Variants in SUSD1 observed in about 807,000 individuals in gnomAD.
SUSD1 encodes sushi domain-containing protein 1.
A neutral mutation model predicts 86.9 loss-of-function variants in SUSD1; 65 were observed. That is an observed-to-expected ratio of 0.75 (90% CI 0.61 to 0.92). The LOEUF is 0.92. SUSD1 is among the 40% of genes least tolerant of loss of function. The probability of loss-of-function intolerance (pLI) is 0.00; values close to 1 mark genes in which losing one functional copy is unlikely to be tolerated. For synonymous variants in SUSD1, 346 were observed against 350.0 expected (o/e 0.99, Z 0.13); for missense variants, 850 against 929.7 (o/e 0.91, Z 1.11).
chr9:112,067,675 T>G (rs1217520382), intron 12 of SUSD1, among the ~76,000 whole-genome samples: 1 of 152,024 alleles, frequency 6.6e-6, no homozygotes, highest in Non-Finnish European at 1.5e-5. Flanking sequence ...GCCTTAAGAA[T>G]CCCCTTTAGA....
chr9:112,145,283 T>TA (rs1832762405), intron 3 of SUSD1, among the ~76,000 whole-genome samples: 1 of 148,326 alleles, frequency 6.7e-6, no homozygotes, highest in African/African-American at 2.5e-5. Context: ...ATTTCCTTTT[T>TA]TTTTTTTTTT....
At chr9:112,067,809 C>G (rs897088022) in intron 12 of SUSD1, among the ~76,000 whole-genome samples, 3 of 151,994 alleles carry the variant, frequency 2.0e-5, no homozygotes, top group Non-Finnish European at 4.4e-5. Context: ...AATGCCTCCC[C>G]CCCAATCCCC....
intron 15 of SUSD1, among the ~76,000 whole-genome samples, chr9:112,044,604 G>T (rs1827877691): frequency 6.6e-6 from 1 of 152,186 alleles, no homozygotes; most frequent in South Asian, 2.1e-4. Context: ...GAGAAAATTG[G>T]CTAACCATTT....
chr9:112,158,745 C>G (rs1280423307), intron 1 of SUSD1, among the ~76,000 whole-genome samples: 1 of 152,136 alleles, frequency 6.6e-6, no homozygotes, highest in African/African-American at 2.4e-5. Context: ...GCTCCCCTAA[C>G]ACTGGCACAT....
intron 5 of SUSD1, among the ~76,000 whole-genome samples, chr9:112,130,808 T>C (rs1336297722): frequency 6.7e-6 from 1 of 148,786 alleles, no homozygotes; most frequent in Non-Finnish European, 1.5e-5. Context: ...CAGATCACTT[T>C]GAGCTCAGGA....
chr9:112,041,716 A>T, intron 16 of SUSD1, 151 bp downstream of exon 16: 2 of 744,870 alleles, frequency 2.7e-6, no homozygotes, highest in Admixed American at 2.1e-5. Context: ...AGGGTTAGTC[A>T]TGCCTTTCAC....
At chr9:112,067,550 G>A (rs564701347) in intron 12 of SUSD1, among the ~76,000 whole-genome samples, 1 of 152,264 alleles carries the variant, frequency 6.6e-6, no homozygotes, top group Non-Finnish European at 1.5e-5. Flanking sequence ...GCTAGGCCAA[G>A]TGAACACGGT....
At chr9:112,098,303 T>C (rs1378329281) in intron 10 of SUSD1, among the ~76,000 whole-genome samples, 167 bp downstream of exon 10, 1 of 152,104 alleles carries the variant, frequency 6.6e-6, no homozygotes, top group Admixed American at 6.6e-5. Context: ...AGGGGATAAG[T>C]GGTAAGATTC....
At chr9:112,072,311 G>C (rs1829319172) in intron 12 of SUSD1, among the ~76,000 whole-genome samples, 1 of 151,660 alleles carries the variant, frequency 6.6e-6, no homozygotes, top group South Asian at 2.1e-4. Context: ...ACCACACCCA[G>C]CTAATTTTTG....
intron 5 of SUSD1, among the ~76,000 whole-genome samples, chr9:112,127,190 G>A (rs1831811327): frequency 6.6e-6 from 1 of 152,036 alleles, no homozygotes; most frequent in Admixed American, 6.6e-5. Flanking sequence ...TGGCCAACAT[G>A]GCAAAACCCC....
At chr9:112,163,463 G>A (rs986711856) in intron 1 of SUSD1, among the ~76,000 whole-genome samples, 15 of 149,552 alleles carry the variant, frequency 1.0e-4, no homozygotes, top group Admixed American at 2.0e-4. Context: ...AGACCTCATC[G>A]CTACCAAAAA....
Position 112,062,724 on chromosome 9 carries a change from T to A in SUSD1, c.1850+213A>T, listed in dbSNP as rs10981244. On this transcript the variant is annotated intron_variant, in intron 13 of 16. Transcript: ENST00000374270. ...AAAATAAAAAATAAAATTTAAATTT[T>A]AAAAAAAAGAAGTCTCTCTCACCAT... Among the ~76,000 whole-genome samples the A allele has an allele frequency of 9.8e-3, 1,496 of 151,924 alleles. 8 individuals are homozygous for A. The highest frequency in any genetic ancestry group is 0.013 in the Non-Finnish European group (871 of 67,944).
At chr9:112,166,876 C>A (rs187040570) in intron 1 of SUSD1, among the ~76,000 whole-genome samples, 3 of 152,180 alleles carry the variant, frequency 2.0e-5, no homozygotes, top group East Asian at 3.9e-4. Flanking sequence ...GTTGAAGAAC[C>A]CAAAATCTAA....
chr9:112,082,459 A>T (rs1478587287), intron 10 of SUSD1, among the ~76,000 whole-genome samples: 1 of 152,222 alleles, frequency 6.6e-6, no homozygotes, highest in Admixed American at 6.5e-5. Context: ...CAACAAGAAC[A>T]TAAGAGTTAG....
intron 12 of SUSD1, among the ~76,000 whole-genome samples, chr9:112,072,014 T>C (rs1829290433): frequency 6.6e-6 from 1 of 152,218 alleles, no homozygotes; most frequent in Non-Finnish European, 1.5e-5. Context: ...TCTTTTCACA[T>C]GTACATCCTC....
chr9:112,061,259 A>T (rs1828712018), intron 13 of SUSD1, among the ~76,000 whole-genome samples: 1 of 152,110 alleles, frequency 6.6e-6, no homozygotes, highest in African/African-American at 2.4e-5. Context: ...CACAAAGCAG[A>T]CTCAGGCCTG....
At chr9:112,081,823 G>A (rs775091384) in intron 10 of SUSD1, among the ~76,000 whole-genome samples, 1 of 152,160 alleles carries the variant, frequency 6.6e-6, no homozygotes, top group Non-Finnish European at 1.5e-5. Flanking sequence ...AGAATACAGA[G>A]AGTATCATTA....
chr9:112,062,735 A>G (rs1828787418), intron 13 of SUSD1, among the ~76,000 whole-genome samples: 1 of 152,188 alleles, frequency 6.6e-6, no homozygotes, highest in African/African-American at 2.4e-5. Flanking sequence ...AAAAAAAAGA[A>G]GTCTCTCTCA....
At chr9:112,167,637 C>T (rs889124217) in intron 1 of SUSD1, among the ~76,000 whole-genome samples, 1 of 152,194 alleles carries the variant, frequency 6.6e-6, no homozygotes, top group Non-Finnish European at 1.5e-5. Context: ...AGCTATGCCA[C>T]TTACTAGCTA....
Sources: gnomAD v4.1 joint callset for allele counts (sites outside exome capture counted in the v4.1 genomes callset) on GRCh38, gnomAD v4.1.1 for gene constraint, MANE v1.5 for transcripts, NCBI Gene and HGNC (gene_info 2026-07-23, HGNC 2026-07-21) for gene names.